SRRT: variants seen among roughly 807,000 people sequenced by gnomAD.
The protein encoded by SRRT is serrate, RNA effector molecule.
Under a neutral mutation model 103.2 loss-of-function variants are expected in SRRT, and 32 were observed. The ratio of observed to expected loss-of-function variants is 0.31; its 90% CI spans 0.23 to 0.42. The LOEUF is 0.42. Among genes scored for constraint, SRRT ranks in the 10% least tolerant of loss-of-function variants. The pLI, the probability that SRRT is intolerant of heterozygous loss-of-function variation, is 1.00. For synonymous variants in SRRT, 525 were observed against 449.0 expected (o/e 1.17, Z -2.14); for missense variants, 986 against 1,207.5 (o/e 0.82, Z 2.72).
chr7:100,880,035 C>T (rs575283159), intron 2 of SRRT, among the ~76,000 whole-genome samples: 12 of 152,264 alleles, frequency 7.9e-5, no homozygotes, highest in East Asian at 1.9e-4. Flanking sequence ...GAGACAGAAG[C>T]GAGAGACCAG....
intron 1 of SRRT, 95 bp downstream of exon 1, chr7:100,875,423 G>A: frequency 6.9e-7 from 1 of 1,456,772 alleles, no homozygotes; most frequent in Non-Finnish European, 9.1e-7. Context: ...GCGAGTGGAG[G>A]TGTTGGAGCC....
At chr7:100,879,091 G>C (rs984739040) in intron 2 of SRRT, among the ~76,000 whole-genome samples, 1 of 152,042 alleles carries the variant, frequency 6.6e-6, no homozygotes, top group Non-Finnish European at 1.5e-5. Flanking sequence ...GAGTAGTTGG[G>C]ATTACAGGTG....
chr7:100,887,874 A>G lies in SRRT; in HGVS notation c.2326+15A>G, dbSNP rs373865442. 1.1e-5 allele frequency: 18 copies of G among 1,593,130 alleles called. No individual in the cohort carries two copies. The highest frequency in any genetic ancestry group is 1.5e-5 in the Non-Finnish European group (17 of 1,163,772). The stretch of plus-strand genomic sequence containing the variant: ...CCCCGCCCAGAGTAAGATACGATCC[A>G]TGAAGGTCGCATGTGCCCTCTTCCT... On this transcript the variant is annotated intron_variant, in intron 17 of 19. Transcript: ENST00000611405. This position sits in a 1 kb window ranked among gnomAD's most constrained non-coding sequence, Gnocchi z 4.1.
rs774097817 is a variant in SRRT, at chr7:100,885,174, A to G, written c.1160-39A>G. 2 of 1,606,520 alleles carry G rather than the reference A, an allele frequency of 1.2e-6. No homozygotes were observed. The highest frequency in any genetic ancestry group is 2.7e-5 in the African/African-American group (2 of 74,464). The stretch of plus-strand genomic sequence containing the variant: ...ATCCTCCCCACCACAATCAGTAATA[A>G]AAATGCACCAACTCCTTCCTACCCC... On this transcript the variant is annotated intron_variant, in intron 9 of 19. Transcript: ENST00000611405. This position sits in a 1 kb window ranked among gnomAD's most constrained non-coding sequence, Gnocchi z 4.8.
At position 100,884,159 on chromosome 7, in the gene SRRT, C is replaced by T. The variant is rs558821321; in HGVS notation, c.677C>T (p.Ser226Phe). 1.2e-6 allele frequency: 2 copies of T among 1,614,020 alleles called. No individual in the cohort carries two copies. The highest frequency in any genetic ancestry group is 2.2e-5 in the East Asian group (1 of 44,878). The change falls in exon 6 of 20, where the codon TCC becomes TTC. Residue 226 changes from serine (S) to phenylalanine (F), a missense_variant. Ser to Phe is a radical substitution (Grantham distance 155). This residue lies in a region of SRRT where 274 missense variants were observed against 358.5 expected (regional missense o/e 0.76). Coordinates refer to ENST00000611405, the MANE Select transcript of SRRT (RefSeq NM_015908.6). Reference protein sequence around the residue: ...ALQNRLRVFLSLMETGWFDNL... With the variant: ...ALQNRLRVFLFLMETGWFDNL... ...CAAAACCGACTGAGGGTCTTCCTGT[C>T]CCTCATGGAGACTGGCTGGTTTGAT...
intron 1 of SRRT, 67 bp from the exon 2 acceptor site, chr7:100,875,506 G>T (rs1479746606): frequency 6.3e-7 from 1 of 1,588,212 alleles, no homozygotes; most frequent in South Asian, 1.1e-5. Context: ...CGAGCTGCCC[G>T]CGAGGGACGG....
Position 100,888,593 on chromosome 7 carries a change from A to G in SRRT, c.*44A>G, listed in dbSNP as rs780457165. ...GTCCTGTATCATCCATACTTGTACTACCTTGTCCTATGAAGCTCTGAGAAT... is the reference window on the plus strand; with the variant it reads ...GTCCTGTATCATCCATACTTGTACTGCCTTGTCCTATGAAGCTCTGAGAAT... On this transcript the variant is annotated 3_prime_UTR_variant, in exon 20 of 20. Coordinates refer to ENST00000611405, the MANE Select transcript of SRRT (RefSeq NM_015908.6). 1.4e-5 allele frequency: 22 copies of G among 1,610,624 alleles called. No homozygotes were observed. Among genetic ancestry groups the G allele is most frequent in the Non-Finnish European group, 1.5e-5 (18 of 1,176,938 alleles).
intron 2 of SRRT, among the ~76,000 whole-genome samples, chr7:100,878,591 G>GA (rs1424559447): frequency 1.3e-5 from 2 of 151,408 alleles, no homozygotes; most frequent in Non-Finnish European, 2.9e-5. Context: ...ATAAAGAAAA[G>GA]AAAAAAAAGA....
Position 100,877,609 on chromosome 7 carries a change from C to T in SRRT, c.122+1897C>T, listed in dbSNP as rs192892756. Among the ~76,000 whole-genome samples the T allele has an allele frequency of 9.2e-5, 14 of 151,706 alleles. 1 individual carries two copies. Among genetic ancestry groups the T allele is most frequent in the African/African-American group, 3.4e-4 (14 of 41,400 alleles). On this transcript the variant is annotated intron_variant, in intron 2 of 19. Coordinates refer to ENST00000611405, the MANE Select transcript of SRRT (RefSeq NM_015908.6). ...CGATCTCAGCTCACTGCAACCTCCA[C>T]CTCCTGGGTTCAAGTGATTCTCCTG...
At chr7:100,879,810 CAAAA>C (rs558063196) in intron 2 of SRRT, among the ~76,000 whole-genome samples, 1 of 108,816 alleles carries the variant, frequency 9.2e-6, no homozygotes, top group Non-Finnish European at 1.9e-5. Context: ...AGACTGTCTC[CAAAA>C]AAAAAAAAAA....
intron 2 of SRRT, 53 bp downstream of exon 2, chr7:100,875,765 C>G: frequency 1.9e-6 from 3 of 1,603,866 alleles, no homozygotes; most frequent in Admixed American, 3.3e-5. Flanking sequence ...TTCACTCCAC[C>G]CGCGTCGCTT....
At chr7:100,881,158 T>C in intron 2 of SRRT, 127 bp from the exon 3 acceptor site, 4 of 963,434 alleles carry the variant, frequency 4.2e-6, no homozygotes, top group Non-Finnish European at 6.2e-6. Flanking sequence ...GGGGTCTCAC[T>C]ATTGCCCAGG....
chr7:100,887,400 C>T lies in SRRT; in HGVS notation c.2056C>T (p.Gln686Ter), dbSNP rs781378496. 6.2e-7 allele frequency: 1 copy of T among 1,614,194 alleles called. No homozygotes were observed. Residue 686 changes from glutamine (Q) to a stop codon, truncating the protein, a stop_gained, in exon 16 of 20, where the codon CAG becomes TAG. Coordinates refer to ENST00000611405, the MANE Select transcript of SRRT (RefSeq NM_015908.6). LOFTEE classifies it high-confidence loss of function. This position sits in a 1 kb window ranked among gnomAD's most constrained non-coding sequence, Gnocchi z 4.1. Reference protein sequence around the residue: ...VRESLSEEEAQKMGRKDPEQE... With the variant: ...VRESLSEEEA ...GGAGTCACTCTCAGAGGAAGAGGCC[C>T]AGAAGATGGGGCGCAAAGACCCAGA...
At chr7:100,875,791 G>A in intron 2 of SRRT, 79 bp downstream of exon 2, 1 of 1,570,622 alleles carries the variant, frequency 6.4e-7, no homozygotes, top group Non-Finnish European at 8.7e-7. Context: ...TCTCCCCCTT[G>A]TAATTTTTAT....
At chr7:100,877,915 C>T (rs751907852) in intron 2 of SRRT, among the ~76,000 whole-genome samples, 3 of 152,208 alleles carry the variant, frequency 2.0e-5, no homozygotes, top group Non-Finnish European at 4.4e-5. Flanking sequence ...ATTGTTCATA[C>T]TTGGGTATTT....
chr7:100,881,926 G>A, intron 4 of SRRT, 121 bp downstream of exon 4: 1 of 1,476,288 alleles, frequency 6.8e-7, no homozygotes, highest in East Asian at 2.3e-5. Context: ...TGGGGTAGGG[G>A]TGGTAGCTGT....
At chr7:100,878,562 C>G (rs1815971581) in intron 2 of SRRT, among the ~76,000 whole-genome samples, 1 of 152,182 alleles carries the variant, frequency 6.6e-6, no homozygotes. Flanking sequence ...GAAACTACTT[C>G]CTTCTTGGAC....
rs1789994229 is a variant in SRRT at position 100,885,349 on chromosome 7, C to T, written c.1296C>T (p.Ile432=). 2 of 1,613,826 alleles carry T rather than the reference C, an allele frequency of 1.2e-6. No individual in the cohort carries two copies. The highest frequency in any genetic ancestry group is 1.1e-5 in the South Asian group (1 of 91,074). ...SLFMRNIAPN[I]SRAEIISLCK... ...TCATGCGCAACATCGCGCCCAACAT[C>T]TCCCGGGCCGAGATCATCTCCGTGA... Residue 432 remains isoleucine, a synonymous_variant, in exon 10 of 20, where the codon ATC becomes ATT. Coordinates refer to ENST00000611405, the MANE Select transcript of SRRT (RefSeq NM_015908.6). This position sits in a 1 kb window ranked among gnomAD's most constrained non-coding sequence, Gnocchi z 4.8.
rs1332944392 is a variant in SRRT at position 100,885,731 on chromosome 7, G to A, written c.1348G>A (p.Val450Met). ...TAAAAGGTACCCAGGCTTTATGCGG[G>A]TGGCGCTCTCAGAGCCCCAGCCAGA... Reference protein sequence around the residue: ...LCKRYPGFMRVALSEPQPERR... With the variant: ...LCKRYPGFMRMALSEPQPERR... The change falls in exon 11 of 20, where the codon GTG becomes ATG. Residue 450 changes from valine to methionine, a missense_variant. Physicochemically the swap from Val to Met is conservative, Grantham distance 21. Transcript: ENST00000611405. This position sits in a 1 kb window ranked among gnomAD's most constrained non-coding sequence, Gnocchi z 4.8. 1.2e-6 allele frequency: 2 copies of A among 1,613,820 alleles called. No homozygotes were observed. The highest frequency in any genetic ancestry group is 1.1e-5 in the South Asian group (1 of 91,042).
Sources: gnomAD v4.1 joint callset for allele counts (sites outside exome capture counted in the v4.1 genomes callset) on GRCh38, gnomAD v4.1.1 for gene constraint, gnomAD v4.1.1 regional missense constraint, Gnocchi (gnomAD v3.1) non-coding constraint, MANE v1.5 for transcripts, NCBI Gene and HGNC (gene_info 2026-07-23, HGNC 2026-07-21) for gene names.